SLC30A5: variants seen among roughly 807,000 people sequenced by gnomAD.
SLC30A5 encodes the protein proton-coupled zinc antiporter SLC30A5.
SLC30A5 carries 33 observed loss-of-function variants against 79.6 expected under a neutral mutation model. That is an observed-to-expected ratio of 0.41 (90% CI 0.31 to 0.55). SLC30A5 has a LOEUF of 0.55. Ranked by LOEUF, SLC30A5 falls within the 20% of genes least tolerant of loss-of-function variation. The pLI, the probability that SLC30A5 is intolerant of heterozygous loss-of-function variation, is 0.20. For synonymous variants in SLC30A5, 299 were observed against 319.7 expected, an observed-to-expected ratio of 0.94 and a Z score of 0.69; for missense variants, 788 against 928.1, an observed-to-expected ratio of 0.85 and a Z score of 1.96.
intron 7 of SLC30A5, among the ~76,000 whole-genome samples, chr5:69,114,841 G>A (rs1433048022): frequency 6.6e-6 from 1 of 151,900 alleles, no homozygotes; most frequent in African/African-American, 2.4e-5. Context: ...CTCCAGCCTG[G>A]GCAACAAAAG....
Position 69,108,397 on chromosome 5 carries a change from C to T in SLC30A5, c.408C>T (p.Leu136=). The T allele has an allele frequency of 6.2e-7, 1 of 1,613,852 alleles. No individual in the cohort carries two copies. Among genetic ancestry groups the T allele is most frequent in the East Asian group, 2.2e-5 (1 of 44,876 alleles). ...EHSDIVVISL[L]SVLFTSSGGG... Reference sequence around the variant, plus strand: ...GTGATATTGTTGTCATTTCACTACTCAGTGTTTTGTTCACCAGTTCTGGAG... The same window carrying T: ...GTGATATTGTTGTCATTTCACTACTTAGTGTTTTGTTCACCAGTTCTGGAG... Residue 136 remains leucine, a synonymous_variant, in exon 5 of 16, where the codon CTC becomes CTT. Transcript: ENST00000396591.
intron 5 of SLC30A5, among the ~76,000 whole-genome samples, chr5:69,112,059 G>A (rs1285868339): frequency 1.3e-5 from 2 of 152,034 alleles, no homozygotes; most frequent in African/African-American, 4.8e-5. Flanking sequence ...TAGGACTTTG[G>A]GAGACCGAGG....
In SLC30A5 at chr5:69,094,324, C is replaced by T. The variant is rs1465343462; in HGVS notation, c.69C>T (p.Asp23=). Residue 23 remains aspartate, a synonymous_variant, in exon 1 of 16, where the codon GAC becomes GAT. Transcript: ENST00000396591. ...GCGGCGGCGGCCTTGGGCCGGTGGA[C>T]GTACCCAGCGCTCGGTAAGGGACCG... ...PGGGGGLGPV[D]VPSARLTKYI... is the part of the protein sequence containing the mutation. 8 of 1,252,180 alleles carry T rather than the reference C, an allele frequency of 6.4e-6. No homozygotes were observed. Among genetic ancestry groups the T allele is most frequent in the East Asian group, 6.3e-5 (2 of 31,724 alleles). 77.6% of individuals were successfully genotyped at this position (1,252,180 alleles called of 1,614,324 possible).
At chr5:69,127,486 A>ATT (rs67832182) in intron 14 of SLC30A5, among the ~76,000 whole-genome samples, 2 of 149,820 alleles carry the variant, frequency 1.3e-5, no homozygotes, top group Admixed American at 6.7e-5. Context: ...AAAAAAAAAA[A>ATT]AAAAAAAAAT....
At position 69,118,545 on chromosome 5, in the gene SLC30A5, CTAATAG is replaced by C; in HGVS notation, c.1493_1498del (p.Val498_Ile499del). 1 of 1,601,184 alleles carries C rather than the reference CTAATAG, an allele frequency of 6.2e-7. No homozygotes were observed. ...GTCTGGATTTATTAATGGACTTTTT[CTAATAG>C]TAATAGCGTTTTTTGTGTTTATGGA... On this transcript the variant is annotated inframe_deletion, in exon 12 of 16. Transcript: ENST00000396591.
intron 4 of SLC30A5, among the ~76,000 whole-genome samples, chr5:69,107,599 CAT>C (rs1746116076): frequency 6.6e-6 from 1 of 152,150 alleles, no homozygotes; most frequent in African/African-American, 2.4e-5. Context: ...ACCAGAAACA[CAT>C]GAGTAATGCA....
At position 69,118,646 on chromosome 5, in the gene SLC30A5, C is replaced by T. The variant is rs550873937; in HGVS notation, c.1569+18C>T. The T allele has an allele frequency of 6.2e-5, 96 of 1,549,772 alleles. No homozygotes were observed. In the Middle Eastern group the frequency reaches 1.2e-3, roughly 20 times the overall value. On this transcript the variant is annotated intron_variant, in intron 12 of 15. Coordinates refer to ENST00000396591, the MANE Select transcript of SLC30A5 (RefSeq NM_022902.5). The stretch of plus-strand genomic sequence containing the variant: ...TGTTAACAGTAAGTCTTTTTATTTT[C>T]CTATTTGGATTTCTAGTCATACTTA...
chr5:69,103,868 C>A, intron 3 of SLC30A5: 1 of 975,886 alleles, frequency 1.0e-6, no homozygotes, highest in Non-Finnish European at 1.5e-6. Flanking sequence ...ATTAGAAAGA[C>A]GAATTTAAGT....
rs772997259 is a variant in SLC30A5, at chr5:69,116,195, T to C, written c.1053T>C (p.Ser351=). The C allele has an allele frequency of 2.5e-6, 4 of 1,587,844 alleles. No individual in the cohort carries two copies. The African/African-American group carries it at 5.5e-5, about 22-fold the overall frequency. The change falls in exon 9 of 16, where the codon AGT becomes AGC. Residue 351 remains serine, a synonymous_variant. Coordinates refer to ENST00000396591, the MANE Select transcript of SLC30A5 (RefSeq NM_022902.5). This position sits in a 1 kb window ranked among gnomAD's most constrained non-coding sequence, Gnocchi z 4.0. ...EHVLSGGVVV[S]AIFFILSANI... is the part of the protein sequence containing the mutation. ...TCCTGTCTGGAGGAGTGGTAGTGAGTGCTATATTCTTCATTTTGTGTAAGC... is the reference window on the plus strand; with the variant it reads ...TCCTGTCTGGAGGAGTGGTAGTGAGCGCTATATTCTTCATTTTGTGTAAGC...
intron 12 of SLC30A5, among the ~76,000 whole-genome samples, chr5:69,119,415 ATTC>A (rs1322909172): frequency 1.3e-5 from 2 of 151,884 alleles, no homozygotes; most frequent in African/African-American, 4.8e-5. Context: ...TGTTTTGTGC[ATTC>A]TTCTTTTAGC....
chr5:69,095,998 G>A (rs1580160815), intron 1 of SLC30A5, among the ~76,000 whole-genome samples: 1 of 152,224 alleles, frequency 6.6e-6, no homozygotes, highest in Admixed American at 6.5e-5. Flanking sequence ...GAACCCAGGA[G>A]GCAGAGGTTG....
At chr5:69,126,393 G>A (rs1159878218) in intron 14 of SLC30A5, among the ~76,000 whole-genome samples, 2 of 152,064 alleles carry the variant, frequency 1.3e-5, no homozygotes, top group African/African-American at 2.4e-5. Flanking sequence ...CTCAAGCTTT[G>A]GCCTTCCAAA....
Position 69,122,561 on chromosome 5 carries a change from C to T in SLC30A5, c.1772-638C>T, listed in dbSNP as rs767760073. 1.1e-4 allele frequency among the ~76,000 whole-genome samples: 17 copies of T among 152,100 alleles called. No individual in the cohort carries two copies. In the South Asian group the frequency reaches 2.5e-3, roughly 22 times the overall value. The stretch of plus-strand genomic sequence containing the variant: ...CTCAGCTACTCAGGAGGCTGAGACA[C>T]GAGAATCACTTGAACCTGGGAGATG... On this transcript the variant is annotated intron_variant, in intron 13 of 15. Transcript: ENST00000396591.
Position 69,096,561 on chromosome 5 carries a change from G to T in SLC30A5, c.83+2223G>T, listed in dbSNP as rs73119217. 2.6e-3 allele frequency among the ~76,000 whole-genome samples: 392 copies of T among 152,210 alleles called. 2 individuals carry two copies. The highest frequency in any genetic ancestry group is 8.6e-3 in the African/African-American group (357 of 41,526). ...AGAGTAAAGGAAGGATGAGGTCCTG[G>T]ACGGAAAATGTGGAAATTAAAAAGA... On this transcript the variant is annotated intron_variant, in intron 1 of 15. Coordinates refer to ENST00000396591, the MANE Select transcript of SLC30A5 (RefSeq NM_022902.5).
rs566229809 is a variant in SLC30A5 at position 69,123,691 on chromosome 5, A to G, written c.1998+266A>G. ...CTTGGATGAGAAGACTCTTTATTAT[A>G]ATGATGTTGATTTTATTTTATTTAG... On this transcript the variant is annotated intron_variant, in intron 14 of 15. Coordinates refer to ENST00000396591, the MANE Select transcript of SLC30A5 (RefSeq NM_022902.5). Among the ~76,000 whole-genome samples, 343 of 152,298 alleles carry G rather than the reference A, an allele frequency of 2.3e-3. 2 individuals are homozygous for G. Among genetic ancestry groups the G allele is most frequent in the Admixed American group, 4.9e-3 (75 of 15,284 alleles).
intron 5 of SLC30A5, among the ~76,000 whole-genome samples, chr5:69,109,583 C>T (rs1746175563): frequency 6.6e-6 from 1 of 152,118 alleles, no homozygotes; most frequent in South Asian, 2.1e-4. Context: ...TCCCCCAAAC[C>T]CCCTACTCAT....
intron 5 of SLC30A5, among the ~76,000 whole-genome samples, chr5:69,109,249 A>G (rs949345863): frequency 1.7e-4 from 26 of 152,294 alleles, no homozygotes; most frequent in Non-Finnish European, 1.0e-4. Flanking sequence ...GGATACCCCA[A>G]TTTACCTGAT....
rs996281485 is a variant in SLC30A5, at chr5:69,130,926, T to A, written c.*1309T>A. ...ATATACCACAATGGCAAACATGTAT[T>A]ATAAATCATATTTTTGTCTTACCAA... On this transcript the variant is annotated 3_prime_UTR_variant, in exon 16 of 16. Coordinates refer to ENST00000396591, the MANE Select transcript of SLC30A5 (RefSeq NM_022902.5). 3.3e-5 allele frequency: 5 copies of A among 152,182 alleles called. No individual in the cohort carries two copies. The allele number at this position is 152,182 out of a possible 1,614,324, so 9.4% of individuals were successfully genotyped here.
At chr5:69,100,667 T>C (rs1213857993) in intron 1 of SLC30A5, 140 bp from the exon 2 acceptor site, 2 of 614,204 alleles carry the variant, frequency 3.3e-6, no homozygotes, top group South Asian at 2.7e-5. Context: ...GGTGAGTTGT[T>C]TGGGGACTCT....
Sources: gnomAD v4.1 joint callset for allele counts (sites outside exome capture counted in the v4.1 genomes callset) on GRCh38, gnomAD v4.1.1 for gene constraint, Gnocchi (gnomAD v3.1) non-coding constraint, MANE v1.5 for transcripts, NCBI Gene and HGNC (gene_info 2026-07-23, HGNC 2026-07-21) for gene names.